KLF17: variants seen among roughly 807,000 people sequenced by gnomAD.
The protein encoded by KLF17 is KLF transcription factor 17.
KLF17 carries 31 observed loss-of-function variants against 34.2 expected under a neutral mutation model. The ratio of observed to expected loss-of-function variants is 0.91; its 90% CI spans 0.68 to 1.22. The LOEUF (loss-of-function observed/expected upper bound fraction) is 1.22, where lower values mean the gene tolerates loss of function less well. Ranked by LOEUF, KLF17 falls within the 50% of genes most tolerant of loss-of-function variation. KLF17 has a pLI of 0.00. For missense variants in KLF17, 478 were observed against 505.2 expected (o/e 0.95, Z 0.52); for synonymous variants, 179 against 186.7 (o/e 0.96, Z 0.34).
the KLF17 span, among the ~76,000 whole-genome samples, chr1:44,095,478 G>A: frequency 2.6e-5 from 4 of 151,962 alleles, no homozygotes; most frequent in Admixed American, 2.6e-4. Flanking sequence ...GCCTCCCAAA[G>A]TGCTGGGATT....
Position 44,130,051 on chromosome 1 carries a change from G to A in KLF17, c.780G>A (p.Gln260=). The change falls in exon 2 of 4, where the codon CAG becomes CAA. Residue 260 remains glutamine (Q), a synonymous_variant. Coordinates refer to ENST00000372299, the MANE Select transcript of KLF17 (RefSeq NM_173484.4). ...CAGAGCAGCCCGGACCTGCTCCACA[G>A]ACAGTAGAGAAGAACTCCAGGCCTC... The part of the protein sequence containing the change: ...FLPEQPGPAP[Q]TVEKNSRPQE... The A allele has an allele frequency of 1.2e-6, 2 of 1,614,204 alleles. No individual in the cohort carries two copies. The highest frequency in any genetic ancestry group is 1.7e-6 in the Non-Finnish European group (2 of 1,180,042).
the KLF17 span, among the ~76,000 whole-genome samples, chr1:44,067,763 G>T: frequency 1.3e-5 from 2 of 151,956 alleles, no homozygotes. Flanking sequence ...AGGGTGCACT[G>T]ACCAGGGCAG....
At chr1:44,066,297 C>A in the KLF17 span, among the ~76,000 whole-genome samples, 1 of 150,128 alleles carries the variant, frequency 6.7e-6, no homozygotes, top group African/African-American at 2.5e-5. Flanking sequence ...CCAGCCTGGA[C>A]AACAGAGTGA....
the KLF17 span, among the ~76,000 whole-genome samples, chr1:44,103,003 C>T: frequency 2.0e-5 from 3 of 152,132 alleles, no homozygotes; most frequent in Non-Finnish European, 2.9e-5. Flanking sequence ...GTGGCATGTT[C>T]GCCAGAATGC....
chr1:44,067,490 C>G, the KLF17 span, among the ~76,000 whole-genome samples: 1 of 152,040 alleles, frequency 6.6e-6, no homozygotes, highest in Non-Finnish European at 1.5e-5. Context: ...GAGAGGAGTC[C>G]TCTCAGAAGA....
the KLF17 span, among the ~76,000 whole-genome samples, chr1:44,111,240 CCTG>C: frequency 6.6e-6 from 1 of 152,032 alleles, no homozygotes; most frequent in Non-Finnish European, 1.5e-5. Flanking sequence ...AAGCGATCCA[CCTG>C]CCTCGGTCTC....
At chr1:44,058,034 C>T in the KLF17 span, among the ~76,000 whole-genome samples, 5,261 of 152,234 alleles carry the variant, frequency 0.035, 301 homozygotes, top group African/African-American at 0.12. Flanking sequence ...ATTAGAAGTG[C>T]CAATTCCTAC....
the KLF17 span, among the ~76,000 whole-genome samples, chr1:44,092,810 C>G: frequency 2.0e-5 from 3 of 151,686 alleles, no homozygotes; most frequent in African/African-American, 7.3e-5. Context: ...GACTTGACCA[C>G]TATGTAATCT....
the KLF17 span, among the ~76,000 whole-genome samples, chr1:44,063,528 A>C: frequency 6.6e-6 from 1 of 152,154 alleles, no homozygotes; most frequent in East Asian, 1.9e-4. Context: ...CTTCTATGAT[A>C]TTGGGAGTAC....
the KLF17 span, among the ~76,000 whole-genome samples, chr1:44,093,692 T>A: frequency 6.6e-6 from 1 of 152,006 alleles, no homozygotes; most frequent in Non-Finnish European, 1.5e-5. Context: ...ACCGCACTCA[T>A]CTTTATACGA....
chr1:44,074,842 C>A, the KLF17 span: 20 of 152,238 alleles, frequency 1.3e-4, no homozygotes, highest in Admixed American at 7.8e-4. Flanking sequence ...TATCAGGAAA[C>A]CCTGGAACAG....
In KLF17 at chr1:44,119,644, ACT is replaced by A. The variant is rs532409326; in HGVS notation, c.81+659_81+660del. The stretch of plus-strand genomic sequence containing the variant: ...TTGGGAGGCTTAGGAGACAGCTGAG[ACT>A]CTGTTCTGGGACTAAAGAACCCGTC... On this transcript the variant is annotated intron_variant, in intron 1 of 3. Coordinates refer to ENST00000372299, the MANE Select transcript of KLF17 (RefSeq NM_173484.4). 8.0e-4 allele frequency among the ~76,000 whole-genome samples: 121 copies of A among 152,174 alleles called. 1 individual carries two copies. The South Asian group carries it at 0.022, about 28-fold the overall frequency.
chr1:44,129,570 A>G lies in KLF17; in HGVS notation c.299A>G (p.Tyr100Cys). 3.1e-6 allele frequency: 5 copies of G among 1,614,018 alleles called. No individual in the cohort carries two copies. Among genetic ancestry groups the G allele is most frequent in the Non-Finnish European group, 4.2e-6 (5 of 1,179,994 alleles). Reference protein sequence around the residue: ...SMPLPERGMSYCPQATLTPSR... With the variant: ...SMPLPERGMSCCPQATLTPSR... ...CCACTGCCTGAGCGTGGTATGAGCT[A>G]CTGCCCCCAAGCGACTCTCACTCCT... is the stretch of plus-strand genomic sequence containing the variant. Residue 100 changes from tyrosine (Y) to cysteine (C), a missense_variant, in exon 2 of 4, where the codon TAC becomes TGC. By Grantham distance (194) the Tyr-to-Cys change is radical. Coordinates refer to ENST00000372299, the MANE Select transcript of KLF17 (RefSeq NM_173484.4).
chr1:44,097,608 A>T, the KLF17 span, among the ~76,000 whole-genome samples: 38 of 69,456 alleles, frequency 5.5e-4, 1 homozygote, highest in Admixed American at 1.8e-3. Flanking sequence ...GAATGAAATT[A>T]AAAAAAAATT....
At chr1:44,068,046 G>A in the KLF17 span, among the ~76,000 whole-genome samples, 1 of 151,900 alleles carries the variant, frequency 6.6e-6, no homozygotes, top group African/African-American at 2.4e-5. Flanking sequence ...CTCTTTTTGA[G>A]ACAGAGTTTG....
intron 1 of KLF17, among the ~76,000 whole-genome samples, chr1:44,122,682 C>A (rs959581882): frequency 3.3e-5 from 5 of 152,092 alleles, no homozygotes; most frequent in Non-Finnish European, 7.3e-5. Context: ...GCTGCAACTT[C>A]TGCCTCCCAA....
chr1:44,047,055 T>C, the KLF17 span, among the ~76,000 whole-genome samples: 1 of 150,482 alleles, frequency 6.6e-6, no homozygotes, highest in Non-Finnish European at 1.5e-5. Flanking sequence ...AAAAGCATTC[T>C]CTGTACTAGG....
At chr1:44,078,498 C>T in the KLF17 span, among the ~76,000 whole-genome samples, 8 of 148,150 alleles carry the variant, frequency 5.4e-5, no homozygotes, top group Non-Finnish European at 7.4e-5. Flanking sequence ...AGTGCAGTGG[C>T]GCAATCTCGG....
chr1:44,097,735 T>C, the KLF17 span, among the ~76,000 whole-genome samples: 1 of 152,238 alleles, frequency 6.6e-6, no homozygotes, highest in African/African-American at 2.4e-5. Flanking sequence ...CTTTTCAGTA[T>C]GATACTGGCT....
Sources: allele counts gnomAD v4.1 joint callset (sites outside exome capture counted in the v4.1 genomes callset), GRCh38; gene constraint gnomAD v4.1.1; transcripts MANE v1.5; gene names NCBI Gene and HGNC (gene_info 2026-07-23, HGNC 2026-07-21).